Variants in SGCZ observed in about 807,000 individuals in gnomAD.
SGCZ encodes the protein sarcoglycan zeta.
SGCZ carries 40 observed loss-of-function variants against 41.3 expected under a neutral mutation model. The observed-to-expected ratio is 0.97, with a 90% CI of 0.75 to 1.26. SGCZ has a LOEUF of 1.26. Ranked by LOEUF, SGCZ falls within the 50% of genes most tolerant of loss-of-function variation. The pLI, the probability that SGCZ is intolerant of heterozygous loss-of-function variation, is 0.00. For missense variants in SGCZ, 552 were observed against 369.8 expected (o/e 1.49, Z -4.04); for synonymous variants, 206 against 137.5 (o/e 1.50, Z -3.49).
intron 1 of SGCZ, among the ~76,000 whole-genome samples, chr8:15,068,475 T>A (rs914509767): frequency 3.3e-5 from 5 of 152,234 alleles, no homozygotes; most frequent in African/African-American, 1.2e-4. Context: ...CTTGTAACTA[T>A]GAAAACCTGT....
At chr8:14,108,680 T>C (rs1017883118) in intron 5 of SGCZ, among the ~76,000 whole-genome samples, 1 of 152,002 alleles carries the variant, frequency 6.6e-6, no homozygotes, top group Non-Finnish European at 1.5e-5. Flanking sequence ...TAGATGAGAT[T>C]TGAGAGAGGA....
intron 2 of SGCZ, among the ~76,000 whole-genome samples, chr8:14,337,647 A>C (rs970238938): frequency 1.3e-5 from 2 of 152,182 alleles, no homozygotes; most frequent in Admixed American, 6.5e-5. Context: ...TGGAATGAAC[A>C]TACTGGGTAG....
At chr8:14,176,031 T>A (rs899371756) in intron 4 of SGCZ, among the ~76,000 whole-genome samples, 5 of 152,168 alleles carry the variant, frequency 3.3e-5, no homozygotes, top group Non-Finnish European at 7.4e-5. Context: ...TATGAATGTA[T>A]GATTTTCAAA....
At chr8:14,608,356 C>T (rs751973309) in intron 1 of SGCZ, among the ~76,000 whole-genome samples, 4 of 151,376 alleles carry the variant, frequency 2.6e-5, no homozygotes, top group Non-Finnish European at 4.4e-5. Context: ...TTCTTTGGCT[C>T]ACCGTTCTGC....
intron 1 of SGCZ, among the ~76,000 whole-genome samples, chr8:14,740,602 A>G (rs1799173759): frequency 6.6e-6 from 1 of 152,172 alleles, no homozygotes; most frequent in South Asian, 2.1e-4. Context: ...TTAAGAGCTG[A>G]CATAGGCACA....
In SGCZ at chr8:14,936,495, A is replaced by G. The variant is rs1346593897; in HGVS notation, c.39+301090T>C. 2.0e-5 allele frequency among the ~76,000 whole-genome samples: 3 copies of G among 151,936 alleles called. No individual in the cohort carries two copies. The South Asian group carries it at 6.2e-4, about 31-fold the overall frequency. ...GAATGGGTGTATACATACTCAGAGTATGGTTTCTATCAAATCATATTAACA... is the reference window on the plus strand; with the variant it reads ...GAATGGGTGTATACATACTCAGAGTGTGGTTTCTATCAAATCATATTAACA... On this transcript the variant is annotated intron_variant, in intron 1 of 7. Transcript: ENST00000382080.
At chr8:15,171,155 T>C (rs538843527) in intron 1 of SGCZ, among the ~76,000 whole-genome samples, 1 of 152,326 alleles carries the variant, frequency 6.6e-6, no homozygotes, top group South Asian at 2.1e-4. Flanking sequence ...GACATAGATA[T>C]AATCTGCTAC....
chr8:15,037,027 T>C (rs1379483659), intron 1 of SGCZ, among the ~76,000 whole-genome samples: 11 of 152,160 alleles, frequency 7.2e-5, no homozygotes, highest in African/African-American at 2.7e-4. Context: ...AAAAAGCATT[T>C]GACAAAACTG....
intron 3 of SGCZ, among the ~76,000 whole-genome samples, chr8:14,298,772 C>G (rs1301357210): frequency 6.6e-6 from 1 of 151,874 alleles, no homozygotes; most frequent in African/African-American, 2.4e-5. Flanking sequence ...ACAAATTGAC[C>G]AATGGAGTCA....
intron 1 of SGCZ, among the ~76,000 whole-genome samples, chr8:14,881,782 T>C (rs539477795): frequency 6.6e-6 from 1 of 152,330 alleles, no homozygotes; most frequent in South Asian, 2.1e-4. Flanking sequence ...ATATACATTT[T>C]CTCATTGCCA....
intron 1 of SGCZ, among the ~76,000 whole-genome samples, chr8:14,988,247 C>T (rs1434652990): frequency 2.1e-5 from 3 of 140,474 alleles, no homozygotes; most frequent in African/African-American, 7.7e-5. Flanking sequence ...TAAAGGTATA[C>T]AAATACTCCA....
At chr8:15,043,904 T>A (rs1467172758) in intron 1 of SGCZ, among the ~76,000 whole-genome samples, 2 of 152,062 alleles carry the variant, frequency 1.3e-5, no homozygotes, top group Admixed American at 1.3e-4. Flanking sequence ...TTATATAGGA[T>A]CTTGCTTTGG....
chr8:15,114,437 G>A (rs1278141942), intron 1 of SGCZ, among the ~76,000 whole-genome samples: 1 of 152,164 alleles, frequency 6.6e-6, no homozygotes, highest in Non-Finnish European at 1.5e-5. Context: ...AAATTAAAAT[G>A]TATAAGGCAT....
rs796681362 is a variant in SGCZ, at chr8:14,969,883, A to G, written c.39+267702T>C. Among the ~76,000 whole-genome samples, 12 of 152,236 alleles carry G rather than the reference A, an allele frequency of 7.9e-5. 1 individual carries two copies. The highest frequency in any genetic ancestry group is 2.6e-4 in the African/African-American group (11 of 41,564). Reference sequence around the variant, plus strand: ...AGATACTTTCATTTTTCTCTTTGGTAAATACTCAAGACTGAAATGGCAGAC... The same window carrying G: ...AGATACTTTCATTTTTCTCTTTGGTGAATACTCAAGACTGAAATGGCAGAC... On this transcript the variant is annotated intron_variant, in intron 1 of 7. Coordinates refer to ENST00000382080, the MANE Select transcript of SGCZ (RefSeq NM_139167.4).
At chr8:14,315,574 C>A (rs1801688119) in intron 3 of SGCZ, among the ~76,000 whole-genome samples, 1 of 151,816 alleles carries the variant, frequency 6.6e-6, no homozygotes, top group African/African-American at 2.4e-5. Flanking sequence ...AGAAGAAAAT[C>A]AAAGTAAATA....
At chr8:14,648,483 G>C (rs573447281) in intron 1 of SGCZ, among the ~76,000 whole-genome samples, 2 of 152,160 alleles carry the variant, frequency 1.3e-5, no homozygotes, top group African/African-American at 4.8e-5. Flanking sequence ...TTAGTACATT[G>C]TGACATGTTA....
chr8:14,960,057 G>C (rs1260984320), intron 1 of SGCZ, among the ~76,000 whole-genome samples: 1 of 152,148 alleles, frequency 6.6e-6, no homozygotes, highest in Non-Finnish European at 1.5e-5. Context: ...GAAGCAAAGA[G>C]GTTGCACAGA....
At chr8:14,809,955 A>G (rs1271855776) in intron 1 of SGCZ, among the ~76,000 whole-genome samples, 4 of 152,150 alleles carry the variant, frequency 2.6e-5, no homozygotes, top group African/African-American at 9.6e-5. Flanking sequence ...ATTTAACTAT[A>G]TGGTTTTTCC....
Position 14,086,385 on chromosome 8 carries a change from T to G in SGCZ, c.*4058A>C, listed in dbSNP as rs1036961674. ...GATACCATGTTTGCAATGAAATAAT[T>G]TATTAGGAGTTTTATTGTATCAAAT... On this transcript the variant is annotated 3_prime_UTR_variant, in exon 8 of 8. Coordinates refer to ENST00000382080, the MANE Select transcript of SGCZ (RefSeq NM_139167.4). Among the ~76,000 whole-genome samples the G allele has an allele frequency of 6.6e-6, 1 of 151,716 alleles. No homozygotes were observed. The highest frequency in any genetic ancestry group is 2.4e-5 in the African/African-American group (1 of 41,410).
Sources: allele counts gnomAD v4.1 joint callset (sites outside exome capture counted in the v4.1 genomes callset), GRCh38; gene constraint gnomAD v4.1.1; transcripts MANE v1.5; gene names NCBI Gene and HGNC (gene_info 2026-07-23, HGNC 2026-07-21).